TMEM132B: variants seen among roughly 807,000 people sequenced by gnomAD.
TMEM132B encodes the protein transmembrane protein 132B.
In TMEM132B, 18 loss-of-function variants were observed where a neutral mutation model predicts 90.8. The observed-to-expected ratio is 0.20, with a 90% CI of 0.14 to 0.29. The LOEUF is 0.29. Ranked by LOEUF, TMEM132B falls within the 10% of genes least tolerant of loss-of-function variation. The pLI is 1.00. For synonymous variants in TMEM132B, 504 were observed against 523.3 expected, an observed-to-expected ratio of 0.96 and a Z score of 0.50; for missense variants, 1,096 against 1,326.8, an observed-to-expected ratio of 0.83 and a Z score of 2.70.
chr12:125,595,303 T>A (rs16919300), intron 5 of TMEM132B, among the ~76,000 whole-genome samples: 10,620 of 152,230 alleles, frequency 0.07, 421 homozygotes, highest in East Asian at 0.13. Context: ...TGTAGGCTAA[T>A]GGTGGAGCTT....
intron 6 of TMEM132B, among the ~76,000 whole-genome samples, chr12:125,645,556 A>G (rs2137033496): frequency 6.6e-6 from 1 of 152,312 alleles, no homozygotes; most frequent in African/African-American, 2.4e-5. Flanking sequence ...CCAAATGACA[A>G]CCAGCCAGGA....
chr12:125,583,091 A>G, intron 4 of TMEM132B, among the ~76,000 whole-genome samples: 1 of 152,248 alleles, frequency 6.6e-6, no homozygotes, highest in East Asian at 1.9e-4. Flanking sequence ...GAGAATGAAC[A>G]CAGGGAAACC....
At chr12:125,452,503 G>A (rs1173573000) in intron 3 of TMEM132B, among the ~76,000 whole-genome samples, 1 of 152,196 alleles carries the variant, frequency 6.6e-6, no homozygotes, top group Non-Finnish European at 1.5e-5. Context: ...ATCAGGAAAT[G>A]GAAATGCTAG....
chr12:125,398,442 CAATGCAGAGA>C (rs1389350900), intron 2 of TMEM132B, among the ~76,000 whole-genome samples: 1 of 152,162 alleles, frequency 6.6e-6, no homozygotes. Flanking sequence ...CCTTCTAAGT[CAATGCAGAGA>C]AAAAGCGTAG....
intron 4 of TMEM132B, among the ~76,000 whole-genome samples, chr12:125,560,212 G>T (rs140215700): frequency 5.3e-4 from 80 of 152,290 alleles, no homozygotes; most frequent in Middle Eastern, 3.4e-3. Context: ...TTGCCTGCTG[G>T]CCTGGGTCAC....
intron 1 of TMEM132B, among the ~76,000 whole-genome samples, chr12:125,319,004 C>T (rs1234686912): frequency 6.6e-6 from 1 of 152,176 alleles, no homozygotes; most frequent in East Asian, 1.9e-4. Context: ...CCGGTTGTCC[C>T]CAGAGGCCAT....
intron 1 of TMEM132B, chr12:125,326,560 C>A: frequency 1.9e-6 from 3 of 1,546,588 alleles, no homozygotes; most frequent in African/African-American, 2.8e-5. Flanking sequence ...GAATTAGGAA[C>A]TGGGGGGTGT....
chr12:125,396,509 A>G (rs774568261), intron 2 of TMEM132B, among the ~76,000 whole-genome samples: 7 of 151,848 alleles, frequency 4.6e-5, no homozygotes, highest in Non-Finnish European at 5.9e-5. Flanking sequence ...ACTATTATTT[A>G]TTTGTTTGTT....
intron 1 of TMEM132B, among the ~76,000 whole-genome samples, chr12:125,306,046 A>T (rs1875951003): frequency 6.6e-6 from 1 of 152,204 alleles, no homozygotes; most frequent in Admixed American, 6.5e-5. Flanking sequence ...AATGTTACCG[A>T]TAGGCCCCAG....
intron 3 of TMEM132B, among the ~76,000 whole-genome samples, chr12:125,463,271 C>T (rs1260421326): frequency 2.6e-5 from 4 of 152,112 alleles, no homozygotes; most frequent in Admixed American, 6.5e-5. Context: ...AGCTGACCAT[C>T]CCTTGAGACT....
At chr12:125,400,610 C>A (rs1879291773) in intron 2 of TMEM132B, among the ~76,000 whole-genome samples, 1 of 152,200 alleles carries the variant, frequency 6.6e-6, no homozygotes, top group Non-Finnish European at 1.5e-5. Context: ...CTCTCTTTTC[C>A]ATGCCCTGTA....
At chr12:125,397,653 T>C (rs1879205856) in intron 2 of TMEM132B, among the ~76,000 whole-genome samples, 1 of 152,206 alleles carries the variant, frequency 6.6e-6, no homozygotes. Flanking sequence ...GTCATTAACT[T>C]ATTTTGTGGA....
intron 1 of TMEM132B, chr12:125,326,512 T>C (rs929094950): frequency 7.9e-7 from 1 of 1,266,148 alleles, no homozygotes; most frequent in African/African-American, 1.5e-5. Context: ...ACCTGTATAG[T>C]AAACATCGGC....
chr12:125,340,526 C>G (rs982049304), intron 1 of TMEM132B, among the ~76,000 whole-genome samples: 2 of 152,050 alleles, frequency 1.3e-5, no homozygotes, highest in East Asian at 3.9e-4. Flanking sequence ...CTCAGCATAA[C>G]ATGGTGGTGG....
At chr12:125,234,759 A>G (rs915026316) in intron 1 of TMEM132B, among the ~76,000 whole-genome samples, 1 of 152,224 alleles carries the variant, frequency 6.6e-6, no homozygotes, top group Non-Finnish European at 1.5e-5. Flanking sequence ...GGATGCACCT[A>G]AAATGATAAC....
chr12:125,368,615 G>A (rs1878201455), intron 2 of TMEM132B, among the ~76,000 whole-genome samples: 1 of 152,224 alleles, frequency 6.6e-6, no homozygotes, highest in African/African-American at 2.4e-5. Context: ...GGTAGAGAAA[G>A]TAGAGAACTT....
intron 5 of TMEM132B, among the ~76,000 whole-genome samples, chr12:125,641,616 T>A (rs1886632822): frequency 6.6e-6 from 1 of 152,226 alleles, no homozygotes; most frequent in Non-Finnish European, 1.5e-5. Flanking sequence ...TTAATTAATT[T>A]ATTTTTCCCA....
rs540090693 is a variant in TMEM132B, at chr12:125,383,195, G to C, written c.960-32336G>C. On this transcript the variant is annotated intron_variant, in intron 2 of 8. Transcript: ENST00000682704. ...AAAGACCCCCAGGGTGCAGCTGCAG[G>C]ATTGCAGTAGAGTGTGAGGCTGACT... 1.6e-3 allele frequency among the ~76,000 whole-genome samples: 241 copies of C among 152,304 alleles called. 2 individuals are homozygous for C. The highest frequency in any genetic ancestry group is 5.5e-3 in the African/African-American group (228 of 41,556).
chr12:125,212,675 C>T (rs1017031167), intron 1 of TMEM132B, among the ~76,000 whole-genome samples: 7 of 152,048 alleles, frequency 4.6e-5, no homozygotes, highest in African/African-American at 1.4e-4. Context: ...ATCTGGGCGA[C>T]AAGAGCGAAA....
Sources: allele counts gnomAD v4.1 joint callset (sites outside exome capture counted in the v4.1 genomes callset), GRCh38; gene constraint gnomAD v4.1.1; transcripts MANE v1.5; gene names NCBI Gene and HGNC (gene_info 2026-07-23, HGNC 2026-07-21).